OTOA: variants seen among roughly 807,000 people sequenced by gnomAD.
OTOA encodes otoancorin, also known as cancer/testis antigen 108.
A neutral mutation model predicts 110.8 loss-of-function variants in OTOA; 70 were observed. The ratio of observed to expected loss-of-function variants is 0.63; its 90% CI spans 0.52 to 0.77. OTOA has a LOEUF of 0.77. Ranked by LOEUF, OTOA falls within the 30% of genes least tolerant of loss-of-function variation. The pLI is 0.00. For missense variants in OTOA, 917 were observed against 1,075.8 expected, an observed-to-expected ratio of 0.85 and a Z score of 2.06; for synonymous variants, 373 against 431.5, an observed-to-expected ratio of 0.86 and a Z score of 1.68.
chr16:21,695,891 A>ATATATATATTTT (rs569493650), intron 9 of OTOA, among the ~76,000 whole-genome samples: 13 of 41,896 alleles, frequency 3.1e-4, no homozygotes, highest in South Asian at 1.1e-3. Flanking sequence ...ATATATATAT[A>ATATATATATTTT]TTTTTTTTTT....
chr16:21,696,183 G>A (rs1031055522), intron 9 of OTOA, among the ~76,000 whole-genome samples: 3 of 151,774 alleles, frequency 2.0e-5, no homozygotes, highest in Non-Finnish European at 4.4e-5. Flanking sequence ...TTGAGCCACC[G>A]CACCTGGCTG....
chr16:21,752,247 T>C lies in OTOA; in HGVS notation c.2919-122T>C, dbSNP rs569757351. On this transcript the variant is annotated intron_variant, in intron 25 of 28. Transcript: ENST00000646100. ...CTAATGGGATAAGCTGGATCTGCTG[T>C]CCCTGCTGAGCCTACTGTGCAGTGT... 4.7e-3 allele frequency: 2,442 copies of C among 515,990 alleles called. 227 individuals carry two copies. Among genetic ancestry groups the C allele is most frequent in the South Asian group, 0.013 (615 of 47,316 alleles). The allele number at this position is 515,990 out of a possible 1,614,324, so 32.0% of individuals were successfully genotyped here. A position where few individuals can be genotyped will look rare whatever the true frequency, so the allele number is the denominator to read the frequency against.
chr16:21,673,699 C>T (rs1033783639), intron 1 of OTOA, among the ~76,000 whole-genome samples: 6 of 152,174 alleles, frequency 3.9e-5, no homozygotes, highest in African/African-American at 1.2e-4. Flanking sequence ...TGAGTTTAAC[C>T]ATTCACCTAC....
intron 15 of OTOA, among the ~76,000 whole-genome samples, chr16:21,718,864 C>T (rs959496920): frequency 1.1e-4 from 17 of 152,122 alleles, no homozygotes; most frequent in Non-Finnish European, 1.3e-4. Flanking sequence ...CCAGCCCTGC[C>T]ACCAATGTCT....
chr16:21,695,893 T>TATATATATATATATA (rs1567372708), intron 9 of OTOA, among the ~76,000 whole-genome samples: 13 of 62,904 alleles, frequency 2.1e-4, no homozygotes, highest in Non-Finnish European at 3.2e-4. Context: ...ATATATATAT[T>TATATATATATATATA]TTTTTTTTTT....
At chr16:21,708,787 T>C (rs559489222) in intron 12 of OTOA, among the ~76,000 whole-genome samples, 3 of 152,320 alleles carry the variant, frequency 2.0e-5, no homozygotes, top group African/African-American at 7.2e-5. Flanking sequence ...AATTCGGGTG[T>C]TAAAATATGA....
intron 5 of OTOA, among the ~76,000 whole-genome samples, chr16:21,680,833 A>G (rs887553057): frequency 1.4e-4 from 21 of 151,472 alleles, no homozygotes; most frequent in African/African-American, 4.9e-4. Context: ...AGCCTGGGTA[A>G]CAGAGTGAGA....
At chr16:21,711,325 G>T (rs913624581) in intron 13 of OTOA, among the ~76,000 whole-genome samples, 6 of 152,174 alleles carry the variant, frequency 3.9e-5, no homozygotes, top group African/African-American at 1.2e-4. Context: ...AGTCCTCTTT[G>T]GTGGGGACAG....
intron 22 of OTOA, among the ~76,000 whole-genome samples, chr16:21,737,849 C>T (rs1246794566): frequency 6.6e-6 from 1 of 152,312 alleles, no homozygotes; most frequent in East Asian, 1.9e-4. Context: ...TATTACCATG[C>T]ACCTACTAAG....
intron 6 of OTOA, among the ~76,000 whole-genome samples, chr16:21,682,887 C>T (rs1966920471): frequency 6.6e-6 from 1 of 152,294 alleles, no homozygotes; most frequent in Admixed American, 6.5e-5. Flanking sequence ...CCCAGGACAG[C>T]CACTAGCTGG....
At chr16:21,722,199 TTGCAG>T (rs1898770810) in intron 17 of OTOA, among the ~76,000 whole-genome samples, 1 of 149,562 alleles carries the variant, frequency 6.7e-6, no homozygotes, top group Admixed American at 6.7e-5. Context: ...AAGGCGGAGG[TTGCAG>T]TGAGCTGAGA....
At chr16:21,686,309 G>A (rs911791089) in intron 7 of OTOA, among the ~76,000 whole-genome samples, 2 of 149,976 alleles carry the variant, frequency 1.3e-5, no homozygotes, top group African/African-American at 4.9e-5. Context: ...TTTTCTTAGA[G>A]ACAGGGGCTT....
In OTOA at chr16:21,681,753, G is replaced by A; in HGVS notation, c.195G>A (p.Thr65=). 3 of 1,613,874 alleles carry A rather than the reference G, an allele frequency of 1.9e-6. No homozygotes were observed. Among genetic ancestry groups the A allele is most frequent in the South Asian group, 1.1e-5 (1 of 91,082 alleles). ...TCAACTGAAGCTCCCACGTGTGGACGGATGACCTGTCCCACAGAGTCCTGG... is the reference window on the plus strand; with the variant it reads ...TCAACTGAAGCTCCCACGTGTGGACAGATGACCTGTCCCACAGAGTCCTGG... The part of the protein sequence containing the change: ...LIQFQSSHVW[T]DDLSHRVLAY... Residue 65 remains threonine, a synonymous_variant, in exon 6 of 29, where the codon ACG becomes ACA. Transcript: ENST00000646100.
Position 21,736,401 on chromosome 16 carries a change from T to C in OTOA, c.2431+11T>C, listed in dbSNP as rs463192. The C allele has an allele frequency of 1.6e-4, 263 of 1,614,030 alleles. 1 individual carries two copies. In the African/African-American group the frequency reaches 3.0e-3, roughly 18 times the overall value. On this transcript the variant is annotated intron_variant, in intron 22 of 28. Coordinates refer to ENST00000646100, the MANE Select transcript of OTOA (RefSeq NM_144672.4). The stretch of plus-strand genomic sequence containing the variant: ...ATGACCCTATGCCTGGTGAGTGTTT[T>C]CAGGGTATCTGAGCCATTGCTGACA...
At chr16:21,736,738 C>T (rs1228965008) in intron 22 of OTOA, among the ~76,000 whole-genome samples, 3 of 151,802 alleles carry the variant, frequency 2.0e-5, no homozygotes, top group East Asian at 1.9e-4. Flanking sequence ...GGCTGAGACA[C>T]GAGGATTGCT....
At chr16:21,731,646 C>T (rs1379359845) in intron 21 of OTOA, among the ~76,000 whole-genome samples, 3 of 152,144 alleles carry the variant, frequency 2.0e-5, no homozygotes, top group African/African-American at 2.4e-5. Flanking sequence ...ACTCCAATGG[C>T]CAAAGTAAGT....
chr16:21,726,346 GA>G (rs1395680689), intron 18 of OTOA, among the ~76,000 whole-genome samples, 176 bp from the exon 19 acceptor site: 8 of 152,144 alleles, frequency 5.3e-5, no homozygotes, highest in African/African-American at 1.7e-4. Context: ...ACCCATAGAA[GA>G]GGAGCATGAT....
chr16:21,734,289 A>G (rs2141728669), intron 21 of OTOA, among the ~76,000 whole-genome samples: 1 of 149,740 alleles, frequency 6.7e-6, no homozygotes, highest in East Asian at 2.0e-4. Context: ...CAAATACCGC[A>G]TGTTCTTACT....
At chr16:21,709,269 T>C (rs1470943061) in intron 12 of OTOA, among the ~76,000 whole-genome samples, 1 of 152,018 alleles carries the variant, frequency 6.6e-6, no homozygotes, top group Non-Finnish European at 1.5e-5. Context: ...CTGTCTCTAC[T>C]AAAAATACAA....
Sources: allele counts gnomAD v4.1 joint callset (sites outside exome capture counted in the v4.1 genomes callset), GRCh38; gene constraint gnomAD v4.1.1; transcripts MANE v1.5; gene names NCBI Gene and HGNC (gene_info 2026-07-23, HGNC 2026-07-21).